RANBP17: variants seen among roughly 807,000 people sequenced by gnomAD.
RANBP17 encodes ran-binding protein 17.
A neutral mutation model predicts 141.2 loss-of-function variants in RANBP17; 158 were observed. That is an observed-to-expected ratio of 1.12 (90% CI 0.98 to 1.28). RANBP17 has a LOEUF of 1.28. Ranked by LOEUF, RANBP17 falls within the 50% of genes most tolerant of loss-of-function variation. The pLI, the probability that RANBP17 is intolerant of heterozygous loss-of-function variation, is 0.00. For synonymous variants in RANBP17, 430 were observed against 450.0 expected, an observed-to-expected ratio of 0.96 and a Z score of 0.56; for missense variants, 1,438 against 1,290.7, an observed-to-expected ratio of 1.11 and a Z score of -1.75.
At chr5:171,286,704 A>G (rs527905379) in intron 25 of RANBP17, among the ~76,000 whole-genome samples, 2 of 152,322 alleles carry the variant, frequency 1.3e-5, no homozygotes, top group African/African-American at 4.8e-5. Flanking sequence ...GCAGGATCAC[A>G]TTTCAATATC....
chr5:171,050,393 T>C (rs1782879673), intron 14 of RANBP17, among the ~76,000 whole-genome samples: 2 of 152,220 alleles, frequency 1.3e-5, no homozygotes, highest in African/African-American at 4.8e-5. Flanking sequence ...ATTACATACA[T>C]TGAAAACCTA....
At chr5:171,140,612 A>T (rs1757622483) in intron 14 of RANBP17, among the ~76,000 whole-genome samples, 1 of 152,200 alleles carries the variant, frequency 6.6e-6, no homozygotes, top group Non-Finnish European at 1.5e-5. Context: ...GCCAAACTTA[A>T]GAATCCCTGA....
chr5:171,057,966 CAT>C (rs1190000765), intron 14 of RANBP17, among the ~76,000 whole-genome samples: 1 of 151,990 alleles, frequency 6.6e-6, no homozygotes, highest in African/African-American at 2.4e-5. Context: ...CAAACCATAT[CAT>C]ATATTTTCAT....
intron 14 of RANBP17, among the ~76,000 whole-genome samples, chr5:171,024,034 T>G (rs528602194): frequency 1.3e-5 from 2 of 152,302 alleles, no homozygotes; most frequent in African/African-American, 4.8e-5. Context: ...AAAATAAATA[T>G]TCATTGAATC....
intron 14 of RANBP17, among the ~76,000 whole-genome samples, chr5:171,006,847 T>A (rs1779662272): frequency 6.6e-6 from 1 of 152,154 alleles, no homozygotes; most frequent in Non-Finnish European, 1.5e-5. Flanking sequence ...GGGCTGGGTT[T>A]TCGTCTTTAC....
chr5:171,071,978 A>G (rs1478404652), intron 14 of RANBP17, among the ~76,000 whole-genome samples: 1 of 152,132 alleles, frequency 6.6e-6, no homozygotes, highest in African/African-American at 2.4e-5. Context: ...ACATTTGGAA[A>G]TTCCAAGTCC....
At chr5:170,896,341 C>A (rs1770119586) in intron 5 of RANBP17, 2 of 447,106 alleles carry the variant, frequency 4.5e-6, no homozygotes, top group East Asian at 3.7e-5. Flanking sequence ...TTACAAAGAA[C>A]AGAGAATTAG....
rs184758697 is a variant in RANBP17 at position 171,123,808 on chromosome 5, G to A, written c.1711-46322G>A. Among the ~76,000 whole-genome samples, 265 of 152,316 alleles carry A rather than the reference G, an allele frequency of 1.7e-3. 2 individuals carry two copies. Among genetic ancestry groups the A allele is most frequent in the African/African-American group, 6.2e-3 (257 of 41,550 alleles). On this transcript the variant is annotated intron_variant, in intron 14 of 27. Transcript: ENST00000523189. The stretch of plus-strand genomic sequence containing the variant: ...CAAAGGAATTGGCTACTGCACCCAC[G>A]CAGGGAGCACATTACTGCACCTCCC...
chr5:170,985,706 C>T (rs1227645648), intron 14 of RANBP17, among the ~76,000 whole-genome samples: 3 of 152,104 alleles, frequency 2.0e-5, no homozygotes, highest in Non-Finnish European at 4.4e-5. Context: ...GGAAAACATT[C>T]CAATTGAAGG....
intron 24 of RANBP17, among the ~76,000 whole-genome samples, chr5:171,250,679 C>G (rs1455588238): frequency 6.6e-6 from 1 of 152,000 alleles, no homozygotes; most frequent in Admixed American, 6.6e-5. Flanking sequence ...CAAAAGCGAA[C>G]AGGAATAGCT....
At chr5:171,001,219 G>T (rs1357538300) in intron 14 of RANBP17, among the ~76,000 whole-genome samples, 1 of 152,126 alleles carries the variant, frequency 6.6e-6, no homozygotes, top group African/African-American at 2.4e-5. Context: ...AGATTTTGGG[G>T]TAAGGGGTGA....
At chr5:170,911,613 A>C (rs769720619) in intron 7 of RANBP17, among the ~76,000 whole-genome samples, 5 of 151,858 alleles carry the variant, frequency 3.3e-5, no homozygotes, top group Admixed American at 6.6e-5. Flanking sequence ...TGATCTTTGC[A>C]CAGTGCAGAT....
chr5:170,871,677 T>C (rs1767738296), intron 1 of RANBP17, among the ~76,000 whole-genome samples: 1 of 152,224 alleles, frequency 6.6e-6, no homozygotes, highest in African/African-American at 2.4e-5. Context: ...CTTTAATCCA[T>C]CTTGAGTTAA....
intron 14 of RANBP17, among the ~76,000 whole-genome samples, chr5:171,140,023 C>T (rs1757585922): frequency 6.6e-6 from 1 of 152,280 alleles, no homozygotes; most frequent in South Asian, 2.1e-4. Context: ...ACATACATCA[C>T]TTCTTCAGTC....
chr5:170,926,900 C>G (rs145433122), intron 12 of RANBP17, among the ~76,000 whole-genome samples: 1,776 of 152,144 alleles, frequency 0.012, 32 homozygotes, highest in African/African-American at 0.041. Context: ...CTACTTCTTG[C>G]TTGTTTTCAT....
At chr5:171,056,334 T>C (rs974147960) in intron 14 of RANBP17, among the ~76,000 whole-genome samples, 1 of 152,102 alleles carries the variant, frequency 6.6e-6, no homozygotes, top group Non-Finnish European at 1.5e-5. Context: ...ATAAACCACC[T>C]TTTAAAGAGG....
chr5:170,899,272 C>G (rs573007438), intron 5 of RANBP17, among the ~76,000 whole-genome samples: 2 of 152,212 alleles, frequency 1.3e-5, no homozygotes, highest in South Asian at 4.2e-4. Context: ...ATTTTATTCT[C>G]TTTGTATCAA....
chr5:171,236,074 A>G (rs1024034445), intron 22 of RANBP17, among the ~76,000 whole-genome samples: 1 of 152,286 alleles, frequency 6.6e-6, no homozygotes, highest in Non-Finnish European at 1.5e-5. Flanking sequence ...ATTCTGTCCC[A>G]CACCATTTAT....
chr5:171,252,312 A>G, intron 24 of RANBP17: 1 of 1,550,504 alleles, frequency 6.4e-7, no homozygotes, highest in South Asian at 1.1e-5. Flanking sequence ...ACAGCACCCC[A>G]GACCCAATGC....
Sources: allele counts gnomAD v4.1 joint callset (sites outside exome capture counted in the v4.1 genomes callset), GRCh38; gene constraint gnomAD v4.1.1; transcripts MANE v1.5; gene names NCBI Gene and HGNC (gene_info 2026-07-23, HGNC 2026-07-21).